The following ARMCX4 variants were observed in gnomAD, a reference collection of about 807,000 sequenced individuals.
ARMCX4 encodes the protein armadillo repeat-containing X-linked protein 4.
A neutral mutation model predicts 34.7 loss-of-function variants in ARMCX4; 3 were observed. That is an observed-to-expected ratio of 0.09 (90% CI 0.04 to 0.22). The LOEUF (loss-of-function observed/expected upper bound fraction) is 0.22. Among genes scored for constraint, ARMCX4 ranks in the 10% least tolerant of loss-of-function variants. The pLI, the probability that ARMCX4 is intolerant of heterozygous loss-of-function variation, is 1.00. For synonymous variants in ARMCX4, 513 were observed against 632.8 expected (o/e 0.81, Z 2.84); for missense variants, 1,448 against 1,720.8 (o/e 0.84, Z 2.81).
chrX:101,520,523 A>G (rs781901606), intron 11 of ARMCX4, among the ~76,000 whole-genome samples: 42 of 112,227 alleles, frequency 3.7e-4, no homozygotes, highest in African/African-American at 1.4e-3. Flanking sequence ...TGAAATGATC[A>G]TGTGTTATTT....
intron 2 of ARMCX4, among the ~76,000 whole-genome samples, chrX:101,438,128 T>C (rs1468206047): frequency 1.8e-5 from 2 of 111,731 alleles, no homozygotes; most frequent in Non-Finnish European, 3.8e-5. Context: ...CTGAAAAGAA[T>C]GTATGTTCTG....
At chrX:101,508,157 T>C (rs1463233430) in intron 8 of ARMCX4, among the ~76,000 whole-genome samples, 1 of 112,312 alleles carries the variant, frequency 8.9e-6, no homozygotes, top group Non-Finnish European at 1.9e-5. Context: ...AAATATACTC[T>C]GTAATGTTCA....
At chrX:101,449,894 G>A (rs782176307), downstream of ARMCX4, among the ~76,000 whole-genome samples, 32 of 111,517 alleles carry the variant, frequency 2.9e-4, 1 homozygote, top group South Asian at 0.012. Context: ...CTTGGACGTT[G>A]TGATCTAAGC....
chrX:101,531,844 G>A (rs1556022240), exon 12 of ARMCX4: 1 of 111,767 alleles, frequency 8.9e-6, no homozygotes, highest in East Asian at 2.8e-4. Context: ...TCATCATCAT[G>A]AAAACAGAAA....
chrX:101,501,343 C>T (rs1041994123), intron 7 of ARMCX4, among the ~76,000 whole-genome samples: 4 of 112,980 alleles, frequency 3.5e-5, no homozygotes, highest in Non-Finnish European at 7.5e-5. Context: ...GGGCTTAGCC[C>T]GGGAGGGTTC....
Position 101,489,169 on chromosome X carries a change from A to G in ARMCX4, c.580A>G (p.Ile194Val), listed in dbSNP as rs1933869990. The change falls in exon 6 of 6, where the codon ATA becomes GTA. Residue 194 changes from isoleucine to valine, a missense_variant. This residue lies in a region of ARMCX4 where 1,343 missense variants were observed against 1,540.7 expected (regional missense o/e 0.87). Coordinates refer to ENST00000423738, the MANE Select transcript of ARMCX4 (RefSeq NM_001256155.3). The stretch of plus-strand genomic sequence containing the variant: ...GACCCAGACCAAAGCTGAAACTCAT[A>G]TATTGGCTGAAAAAGAGACAGAGAT... ...AMTQTKAETH[I>V]LAEKETEINR... is the part of the protein sequence containing the mutation. The G allele has an allele frequency of 4.3e-6, 5 of 1,156,137 alleles. No individual in the cohort carries two copies. Among genetic ancestry groups the G allele is most frequent in the Non-Finnish European group, 5.7e-6 (5 of 873,019 alleles).
chrX:101,451,362 T>C (rs1387647789), downstream of ARMCX4, among the ~76,000 whole-genome samples: 2 of 111,565 alleles, frequency 1.8e-5, no homozygotes, highest in Non-Finnish European at 3.8e-5. Context: ...CTGAGTTCAA[T>C]GCTAAGTCTC....
intron 4 of ARMCX4, among the ~76,000 whole-genome samples, chrX:101,477,398 T>C (rs1478238836): frequency 1.3e-5 from 1 of 74,583 alleles, no homozygotes; most frequent in African/African-American, 5.5e-5. Flanking sequence ...GCCACTGTAC[T>C]CCAGCCTGGG....
In ARMCX4 at chrX:101,495,540, T is replaced by C; in HGVS notation, c.*78T>C. The C allele has an allele frequency of 9.9e-7, 1 of 1,014,794 alleles. No individual in the cohort carries two copies. The highest frequency in any genetic ancestry group is 1.3e-6 in the Non-Finnish European group (1 of 782,516). 83.6% of individuals were successfully genotyped at this position (1,014,794 alleles called of 1,213,427 possible). A position where few individuals can be genotyped will look rare whatever the true frequency, so the allele number is the denominator to read the frequency against. On this transcript the variant is annotated 3_prime_UTR_variant, in exon 6 of 6. Transcript: ENST00000423738. ...GAAGTAATGCACATTGTAAATTGCA[T>C]TATAACTTTGAAACTGATGTTACCT... is the stretch of plus-strand genomic sequence containing the variant.
At chrX:101,459,123 G>C (rs782209307) in intron 4 of ARMCX4, among the ~76,000 whole-genome samples, 1 of 111,761 alleles carries the variant, frequency 8.9e-6, no homozygotes, top group South Asian at 3.7e-4. Context: ...CTTTCTTGCC[G>C]TCTTTAGTGT....
intron 2 of ARMCX4, among the ~76,000 whole-genome samples, chrX:101,486,774 A>G (rs1340459969): frequency 9.1e-6 from 1 of 109,391 alleles, no homozygotes; most frequent in East Asian, 2.9e-4. Flanking sequence ...CATATAATTT[A>G]AAAATTAGCT....
downstream of ARMCX4, among the ~76,000 whole-genome samples, chrX:101,448,296 A>T (rs12010331): frequency 1.8e-5 from 2 of 112,121 alleles, no homozygotes; most frequent in Non-Finnish European, 3.8e-5. Flanking sequence ...TAGCACTGCA[A>T]TAAACATGGG....
chrX:101,468,880 A>G (rs1556002527), intron 4 of ARMCX4, among the ~76,000 whole-genome samples: 2 of 111,825 alleles, frequency 1.8e-5, no homozygotes, highest in African/African-American at 6.5e-5. Context: ...GGAAGAAAAA[A>G]GCCATAAATA....
intron 7 of ARMCX4, among the ~76,000 whole-genome samples, chrX:101,504,515 G>T (rs1237506959): frequency 9.0e-6 from 1 of 110,761 alleles, no homozygotes; most frequent in Non-Finnish European, 1.9e-5. Flanking sequence ...ACTTAGGGGG[G>T]CCTTCTGGCT....
intron 2 of ARMCX4, among the ~76,000 whole-genome samples, chrX:101,430,697 T>G (rs1272225641): frequency 1.8e-5 from 2 of 112,212 alleles, no homozygotes; most frequent in Non-Finnish European, 3.8e-5. Context: ...AGACAAGGCT[T>G]TAACCAAACC....
Position 101,438,098 on chromosome X carries a change from G to A in ARMCX4, n.165-5954G>A, listed in dbSNP as rs782771753. Among the ~76,000 whole-genome samples the A allele has an allele frequency of 6.3e-5, 7 of 111,586 alleles. No individual in the cohort carries two copies. In the East Asian group the frequency reaches 2.0e-3, roughly 31 times the overall value. ...TACTTCCAAGTATGTGGTCAATTTT[G>A]GAATAGGTGTGGTGTGGTGCTGAAA... On this transcript the variant is annotated intron_variant and non_coding_transcript_variant, in intron 2 of 3. Transcript: ENST00000430461.
chrX:101,507,272 G>C (rs1556015368), intron 8 of ARMCX4, among the ~76,000 whole-genome samples: 2 of 111,537 alleles, frequency 1.8e-5, no homozygotes, highest in African/African-American at 6.5e-5. Context: ...TCATGTAATA[G>C]CTACATGATC....
chrX:101,426,476 G>A (rs1035004357), intron 2 of ARMCX4, among the ~76,000 whole-genome samples: 2 of 111,437 alleles, frequency 1.8e-5, no homozygotes, highest in Non-Finnish European at 3.8e-5. Flanking sequence ...GAGATAATAA[G>A]GAGGAGGAGT....
intron 4 of ARMCX4, among the ~76,000 whole-genome samples, chrX:101,476,046 C>T (rs1382272753): frequency 2.7e-5 from 3 of 110,953 alleles, no homozygotes; most frequent in Non-Finnish European, 5.7e-5. Flanking sequence ...TTTTCAAATG[C>T]ACTTGGTTTT....
Sources: gnomAD v4.1 joint callset for allele counts (sites outside exome capture counted in the v4.1 genomes callset) on GRCh38, gnomAD v4.1.1 for gene constraint, gnomAD v4.1.1 regional missense constraint, MANE v1.5 for transcripts, NCBI Gene and HGNC (gene_info 2026-07-23, HGNC 2026-07-21) for gene names.